Variants in COL4A4 observed in about 807,000 individuals in gnomAD.
COL4A4 encodes the protein collagen type IV alpha 4 chain.
In COL4A4, 105 loss-of-function variants were observed where a neutral mutation model predicts 192.9. The observed-to-expected ratio is 0.54, with a 90% CI of 0.46 to 0.64. COL4A4 has a LOEUF of 0.64. Among genes scored for constraint, COL4A4 ranks in the 30% least tolerant of loss-of-function variants. COL4A4 has a pLI of 0.00. For missense variants in COL4A4, 1,967 were observed against 2,169.3 expected (o/e 0.91, Z 1.85); for synonymous variants, 762 against 769.9 (o/e 0.99, Z 0.17).
intron 5 of COL4A4, 30 bp from the exon 6 acceptor site, chr2:227,119,969 TA>T: frequency 6.8e-7 from 1 of 1,466,572 alleles, no homozygotes; most frequent in Non-Finnish European, 9.2e-7. Context: ...AACAAAGAGA[TA>T]AAAATTATTA....
rs752287593 is a variant in COL4A4, at chr2:227,030,593, G to T, written c.3823C>A (p.Pro1275Thr). 3.1e-6 allele frequency: 5 copies of T among 1,605,396 alleles called. No individual in the cohort carries two copies. In the South Asian group the frequency reaches 3.3e-5, roughly 11 times the overall value. ...CTCCCAGGGAGGCCTGGAGGCCCAG[G>T]TGCTCCTGACCACAGAGAAGAGACA... ...PPGPDGPRGA[P>T]GPPGLPGSVD... Residue 1275 changes from proline (P) to threonine (T), a missense_variant, in exon 41 of 48, where the codon CCT (proline) becomes ACT (threonine). Coordinates refer to ENST00000396625, the MANE Select transcript of COL4A4 (RefSeq NM_000092.5).
chr2:227,134,150 G>C (rs1027865696), intron 4 of COL4A4, among the ~76,000 whole-genome samples: 8 of 152,030 alleles, frequency 5.3e-5, no homozygotes, highest in African/African-American at 1.9e-4. Context: ...TCTGAATTCT[G>C]ATGCCTTTAA....
intron 9 of COL4A4, among the ~76,000 whole-genome samples, chr2:227,110,723 G>A (rs565069598): frequency 8.9e-6 from 1 of 112,770 alleles, no homozygotes; most frequent in South Asian, 3.2e-4. Context: ...CAGTCTTGTT[G>A]CCCAGGCTGG....
intron 25 of COL4A4, among the ~76,000 whole-genome samples, chr2:227,070,724 T>TG (rs2058667428): frequency 4.4e-5 from 1 of 22,890 alleles, no homozygotes. Context: ...TGTTGTGGGG[T>TG]GGGGGGAGGG....
At chr2:227,112,745 C>T (rs908111767) in intron 8 of COL4A4, among the ~76,000 whole-genome samples, 5 of 152,234 alleles carry the variant, frequency 3.3e-5, no homozygotes, top group Admixed American at 6.5e-5. Flanking sequence ...TCCCTGCAGC[C>T]ACTGGCAACC....
At chr2:227,080,304 G>C (rs896987306) in intron 24 of COL4A4, 139 bp downstream of exon 24, 1 of 789,536 alleles carries the variant, frequency 1.3e-6, no homozygotes. Flanking sequence ...TCCATGTCAG[G>C]GTGCCAAAAG....
intron 31 of COL4A4, among the ~76,000 whole-genome samples, chr2:227,053,616 C>G (rs1251593512): frequency 7.0e-6 from 1 of 143,150 alleles, no homozygotes; most frequent in Non-Finnish European, 1.5e-5. Flanking sequence ...GGCATGATCT[C>G]TGCTCACTGC....
chr2:226,989,905 T>C, the COL4A4 span, among the ~76,000 whole-genome samples: 3 of 152,310 alleles, frequency 2.0e-5, no homozygotes, highest in East Asian at 5.8e-4. Flanking sequence ...AGGCTTCTTG[T>C]TTTGAGATTC....
the COL4A4 span, among the ~76,000 whole-genome samples, chr2:226,990,660 T>C: frequency 6.6e-6 from 1 of 152,222 alleles, no homozygotes; most frequent in Admixed American, 6.5e-5. Context: ...ATGCAGAGGC[T>C]ACTGCATTTT....
chr2:227,097,015 C>T (rs1395409530), intron 19 of COL4A4, among the ~76,000 whole-genome samples: 4 of 152,036 alleles, frequency 2.6e-5, no homozygotes, highest in African/African-American at 9.7e-5. Flanking sequence ...GGACTAGATA[C>T]ACTCCTGTGC....
chr2:227,034,433 C>T (rs1969117021), intron 37 of COL4A4, among the ~76,000 whole-genome samples: 1 of 152,112 alleles, frequency 6.6e-6, no homozygotes, highest in Non-Finnish European at 1.5e-5. Context: ...TGCCTTCTCA[C>T]AAGTCCTGTC....
chr2:227,001,072 C>T (rs556918547), downstream of COL4A4, among the ~76,000 whole-genome samples: 4 of 151,834 alleles, frequency 2.6e-5, no homozygotes, highest in South Asian at 2.1e-4. Flanking sequence ...ACAGGAGACA[C>T]GGCTGGTTTT....
intron 32 of COL4A4, 42 bp from the exon 33 acceptor site, chr2:227,051,200 G>A: frequency 6.2e-7 from 1 of 1,606,426 alleles, no homozygotes; most frequent in Non-Finnish European, 8.5e-7. Flanking sequence ...CTGAAATTTT[G>A]AGCTAGGTAA....
At chr2:227,076,305 G>A (rs1396880682) in intron 25 of COL4A4, among the ~76,000 whole-genome samples, 3 of 152,090 alleles carry the variant, frequency 2.0e-5, no homozygotes, top group Non-Finnish European at 2.9e-5. Flanking sequence ...CAGGCCAATG[G>A]AACAGAACAG....
intron 31 of COL4A4, among the ~76,000 whole-genome samples, chr2:227,053,672 C>T (rs996877159): frequency 9.3e-5 from 14 of 151,224 alleles, no homozygotes; most frequent in East Asian, 5.8e-4. Context: ...CTCAGCCTCC[C>T]GAGTAGCTGG....
chr2:227,086,110 TAG>T (rs2059589795), intron 22 of COL4A4, among the ~76,000 whole-genome samples: 1 of 152,224 alleles, frequency 6.6e-6, no homozygotes, highest in East Asian at 1.9e-4. Context: ...TGCCTTGCAC[TAG>T]AGCATCCTGG....
At chr2:227,120,901 T>C in intron 5 of COL4A4, 113 bp downstream of exon 5, 2 of 1,401,180 alleles carry the variant, frequency 1.4e-6, no homozygotes, top group Non-Finnish European at 2.0e-6. Flanking sequence ...ATCCCACCAC[T>C]GCATTCTAGC....
intron 44 of COL4A4, among the ~76,000 whole-genome samples, chr2:227,019,731 G>A (rs1266606215): frequency 5.3e-5 from 8 of 152,276 alleles, no homozygotes; most frequent in South Asian, 2.1e-4. Context: ...GCAGTGGTGC[G>A]ATCTCAGCTC....
intron 35 of COL4A4, among the ~76,000 whole-genome samples, chr2:227,046,392 A>T (rs1210008134): frequency 6.6e-6 from 1 of 151,954 alleles, no homozygotes; most frequent in African/African-American, 2.4e-5. Context: ...ATCTAAACAC[A>T]AACCTGGTTT....
Sources: gnomAD v4.1 joint callset for allele counts (sites outside exome capture counted in the v4.1 genomes callset) on GRCh38, gnomAD v4.1.1 for gene constraint, MANE v1.5 for transcripts, NCBI Gene and HGNC (gene_info 2026-07-23, HGNC 2026-07-21) for gene names.